The following ZNF536 variants were observed in gnomAD, a reference collection of about 807,000 sequenced individuals.
The protein encoded by ZNF536 is zinc finger protein 536.
ZNF536 carries 13 observed loss-of-function variants against 84.5 expected under a neutral mutation model. The ratio of observed to expected loss-of-function variants is 0.15; its 90% CI spans 0.10 to 0.24. ZNF536 has a LOEUF of 0.24. Among genes scored for constraint, ZNF536 ranks in the 10% least tolerant of loss-of-function variants. The pLI, the probability that ZNF536 is intolerant of heterozygous loss-of-function variation, is 1.00. For missense variants in ZNF536, 1,536 were observed against 1,747.5 expected, an observed-to-expected ratio of 0.88 and a Z score of 2.16; for synonymous variants, 811 against 742.5, an observed-to-expected ratio of 1.09 and a Z score of -1.50.
intron 2 of ZNF536, among the ~76,000 whole-genome samples, chr19:30,304,081 C>T (rs911582975): frequency 3.3e-5 from 5 of 152,254 alleles, no homozygotes; most frequent in African/African-American, 1.2e-4. Flanking sequence ...TTAAGAGTTC[C>T]CGGTTGGACT....
intron 2 of ZNF536, among the ~76,000 whole-genome samples, chr19:30,331,013 T>TGGTAAATAAATAAATAAAA (rs2146389669): frequency 6.6e-6 from 1 of 152,240 alleles, no homozygotes; most frequent in Middle Eastern, 3.4e-3. Flanking sequence ...TAAAAGGGCC[T>TGGTAAATAAATAAATAAAA]TATTTCACCT....
chr19:30,436,939 G>A (rs78498621), intron 1 of ZNF536, among the ~76,000 whole-genome samples: 4 of 152,142 alleles, frequency 2.6e-5, no homozygotes, highest in Non-Finnish European at 5.9e-5. Context: ...CTCCTACAAG[G>A]CTTCCGAGGT....
chr19:30,705,065 T>C (rs987209393), intron 1 of ZNF536, among the ~76,000 whole-genome samples: 9 of 152,184 alleles, frequency 5.9e-5, no homozygotes, highest in Non-Finnish European at 1.3e-4. Context: ...TTACTTGGAC[T>C]CAGAAATGTG....
At chr19:30,292,172 T>G (rs1350610506) in intron 2 of ZNF536, among the ~76,000 whole-genome samples, 2 of 152,204 alleles carry the variant, frequency 1.3e-5, no homozygotes. Context: ...ACACAGAAAC[T>G]GAGGCTCAGC....
At chr19:30,521,647 C>T (rs796835485) in intron 2 of ZNF536, among the ~76,000 whole-genome samples, 4 of 152,108 alleles carry the variant, frequency 2.6e-5, no homozygotes, top group South Asian at 2.1e-4. Context: ...ACACCGGCCA[C>T]GTGCAAAGTA....
intron 1 of ZNF536, among the ~76,000 whole-genome samples, chr19:30,391,272 C>T (rs927119464): frequency 6.6e-6 from 1 of 152,238 alleles, no homozygotes; most frequent in African/African-American, 2.4e-5. Context: ...TCCCAGTAGA[C>T]TTGACTTTAA....
intron 1 of ZNF536, among the ~76,000 whole-genome samples, chr19:30,610,450 G>A (rs1289981889): frequency 3.3e-5 from 5 of 152,270 alleles, no homozygotes; most frequent in Admixed American, 1.3e-4. Flanking sequence ...CTCTGGGTGG[G>A]GGAGGCTAAG....
intron 1 of ZNF536, among the ~76,000 whole-genome samples, chr19:30,632,651 AAACCAACC>A (rs34446654): frequency 0.13 from 19,314 of 149,584 alleles, 1,622 homozygotes; most frequent in Admixed American, 0.19. Context: ...ATCAACCAAC[AAACCAACC>A]AACCAACCAA....
At chr19:30,235,163 CT>C (rs2023395090) in intron 1 of ZNF536, among the ~76,000 whole-genome samples, 1 of 152,156 alleles carries the variant, frequency 6.6e-6, no homozygotes, top group Non-Finnish European at 1.5e-5. Context: ...TTGCTTAGTT[CT>C]TTTAATGCCC....
chr19:30,234,858 C>T (rs999623183), intron 1 of ZNF536, among the ~76,000 whole-genome samples: 1 of 152,094 alleles, frequency 6.6e-6, no homozygotes, highest in Non-Finnish European at 1.5e-5. Context: ...CAGAAATGCC[C>T]ATTCAGCCTT....
intron 1 of ZNF536, among the ~76,000 whole-genome samples, chr19:30,384,242 TC>T (rs2049233534): frequency 1.7e-5 from 1 of 59,442 alleles, no homozygotes; most frequent in Non-Finnish European, 3.2e-5. Flanking sequence ...CTTCCTTCTT[TC>T]CTCCCTCCCT....
intron 1 of ZNF536, among the ~76,000 whole-genome samples, chr19:30,568,160 T>C (rs9676752): frequency 0.27 from 40,486 of 152,094 alleles, 5,779 homozygotes; most frequent in East Asian, 0.42. Context: ...GAGATAAAAA[T>C]GGCAATTGTG....
At chr19:30,273,083 G>A (rs192719815) in intron 1 of ZNF536, among the ~76,000 whole-genome samples, 3 of 152,098 alleles carry the variant, frequency 2.0e-5, no homozygotes, top group Non-Finnish European at 4.4e-5. Flanking sequence ...TAAAATTTTT[G>A]TAGAGACAGG....
intron 1 of ZNF536, among the ~76,000 whole-genome samples, chr19:30,672,615 A>G (rs1159013933): frequency 6.6e-6 from 1 of 152,220 alleles, no homozygotes; most frequent in Non-Finnish European, 1.5e-5. Flanking sequence ...TGTTAGTAAG[A>G]GCATGGGGGA....
At chr19:30,255,150 T>G (rs1474028206) in intron 1 of ZNF536, among the ~76,000 whole-genome samples, 1 of 152,228 alleles carries the variant, frequency 6.6e-6, no homozygotes, top group East Asian at 1.9e-4. Context: ...TGATAGTGTC[T>G]CTGGATCTAT....
At chr19:30,570,667 CA>C (rs1207020198) in intron 1 of ZNF536, among the ~76,000 whole-genome samples, 2 of 152,004 alleles carry the variant, frequency 1.3e-5, no homozygotes, top group African/African-American at 4.8e-5. Context: ...GGAAAACAGT[CA>C]GAACATAATT....
chr19:30,283,183 T>C (rs533910787), intron 1 of ZNF536, among the ~76,000 whole-genome samples: 1 of 152,322 alleles, frequency 6.6e-6, no homozygotes, highest in Admixed American at 6.5e-5. Context: ...ACAACTTCAC[T>C]TTCAGTAAAA....
At chr19:30,579,122 T>C (rs924287691) in intron 1 of ZNF536, among the ~76,000 whole-genome samples, 2 of 152,230 alleles carry the variant, frequency 1.3e-5, no homozygotes, top group African/African-American at 4.8e-5. Context: ...AGTTGTTCTT[T>C]TACTTATAGC....
rs748875610 is a variant in ZNF536, at chr19:30,445,017, G to T, written c.1455G>T (p.Lys485Asn). The change falls in exon 2 of 5, where the codon AAG (lysine) becomes AAT (asparagine). Residue 485 changes from lysine (K) to asparagine (N), a missense_variant. By Grantham distance (94) the Lys-to-Asn change is moderately conservative (BLOSUM62 0). Coordinates refer to ENST00000355537, the MANE Select transcript of ZNF536 (RefSeq NM_014717.3). This position sits in a 1 kb window ranked among gnomAD's most constrained non-coding sequence, Gnocchi z 4.5. ...SMAHGVPEGD[K>N]HSLLGCLNLV... ...CCCACGGCGTCCCGGAGGGGGACAA[G>T]CACTCCCTCCTGGGATGCCTCAATC... is the stretch of plus-strand genomic sequence containing the variant. 1 of 1,611,976 alleles carries T rather than the reference G, an allele frequency of 6.2e-7. No homozygotes were observed. The highest frequency in any genetic ancestry group is 8.5e-7 in the Non-Finnish European group (1 of 1,178,986).
Sources: gnomAD v4.1 joint callset for allele counts (sites outside exome capture counted in the v4.1 genomes callset) on GRCh38, gnomAD v4.1.1 for gene constraint, Gnocchi (gnomAD v3.1) non-coding constraint, MANE v1.5 for transcripts, NCBI Gene and HGNC (gene_info 2026-07-23, HGNC 2026-07-21) for gene names.